SLC7A9: variants seen among roughly 807,000 people sequenced by gnomAD.
SLC7A9 encodes the protein B(0,+)-type amino acid transporter 1.
Under a neutral mutation model 54.1 loss-of-function variants are expected in SLC7A9, and 38 were observed. That is an observed-to-expected ratio of 0.70 (90% CI 0.54 to 0.92). SLC7A9 has a LOEUF of 0.92. SLC7A9 is among the 40% of genes least tolerant of loss of function. SLC7A9 has a pLI of 0.00. For missense variants in SLC7A9, 537 were observed against 636.1 expected, an observed-to-expected ratio of 0.84 and a Z score of 1.68; for synonymous variants, 264 against 258.9, an observed-to-expected ratio of 1.02 and a Z score of -0.19.
At chr19:32,854,533 A>G (rs1448186922) in intron 9 of SLC7A9, among the ~76,000 whole-genome samples, 1 of 152,162 alleles carries the variant, frequency 6.6e-6, no homozygotes, top group Admixed American at 6.6e-5. Flanking sequence ...TGAAACTGTA[A>G]AATTCCTAGG....
intron 6 of SLC7A9, 126 bp from the exon 7 acceptor site, chr19:32,860,776 TC>T: frequency 7.4e-7 from 1 of 1,348,238 alleles, no homozygotes; most frequent in Non-Finnish European, 1.0e-6. Context: ...CTGCAGGAAT[TC>T]CAGGTGAATT....
intron 9 of SLC7A9, among the ~76,000 whole-genome samples, chr19:32,856,957 C>T (rs1968646118): frequency 6.6e-6 from 1 of 152,092 alleles, no homozygotes; most frequent in African/African-American, 2.4e-5. Flanking sequence ...TCAAGACCAG[C>T]TTGGCCAAGA....
chr19:32,860,689 T>C, intron 6 of SLC7A9, 39 bp from the exon 7 acceptor site: 1 of 1,613,468 alleles, frequency 6.2e-7, no homozygotes, highest in South Asian at 1.1e-5. Flanking sequence ...ACACCTTGAC[T>C]TTCTTTTTCG....
chr19:32,842,370 A>G (rs530505067), intron 10 of SLC7A9, 53 bp from the exon 11 acceptor site: 3 of 1,552,302 alleles, frequency 1.9e-6, no homozygotes, highest in East Asian at 2.2e-5. Context: ...CACTGTTCTC[A>G]TGTCACAGAA....
chr19:32,845,308 A>T (rs1968254697), intron 9 of SLC7A9, among the ~76,000 whole-genome samples: 2 of 152,262 alleles, frequency 1.3e-5, no homozygotes, highest in Admixed American at 1.3e-4. Flanking sequence ...CAGCCTAACC[A>T]ACATGGGGAA....
intron 6 of SLC7A9, 27 bp downstream of exon 6, chr19:32,862,091 G>C: frequency 2.7e-6 from 4 of 1,503,928 alleles, no homozygotes; most frequent in Non-Finnish European, 3.7e-6. Context: ...CCCACCCCCA[G>C]ACTCGGGACA....
intron 9 of SLC7A9, among the ~76,000 whole-genome samples, chr19:32,848,612 TTA>T (rs1353212039): frequency 6.6e-6 from 1 of 152,066 alleles, no homozygotes; most frequent in Non-Finnish European, 1.5e-5. Flanking sequence ...ACTGTCAACA[TTA>T]GACAGATCAA....
intron 9 of SLC7A9, among the ~76,000 whole-genome samples, chr19:32,857,855 T>C (rs770752135): frequency 5.3e-5 from 8 of 152,172 alleles, no homozygotes; most frequent in Non-Finnish European, 7.4e-5. Context: ...TAAAGTTTTA[T>C]TGGAACATGA....
At chr19:32,853,459 T>C (rs934993151) in intron 9 of SLC7A9, among the ~76,000 whole-genome samples, 7 of 152,312 alleles carry the variant, frequency 4.6e-5, no homozygotes, top group Middle Eastern at 3.4e-3. Context: ...ACTGTTAAAA[T>C]TGTGTTTGTG....
chr19:32,841,310 A>G (rs564335299), intron 11 of SLC7A9, among the ~76,000 whole-genome samples: 1 of 152,268 alleles, frequency 6.6e-6, no homozygotes, highest in South Asian at 2.1e-4. Context: ...CCTTATTGGT[A>G]TATAGATCCA....
At chr19:32,852,280 C>A (rs1182557828) in intron 9 of SLC7A9, among the ~76,000 whole-genome samples, 1 of 151,930 alleles carries the variant, frequency 6.6e-6, no homozygotes, top group East Asian at 1.9e-4. Flanking sequence ...TGCTTGAGGC[C>A]GGGAGTTTGA....
intron 11 of SLC7A9, among the ~76,000 whole-genome samples, chr19:32,837,936 A>G (rs948309433): frequency 1.3e-5 from 2 of 152,250 alleles, no homozygotes; most frequent in African/African-American, 4.8e-5. Flanking sequence ...TAATAAGCAA[A>G]AAATAGCAAT....
intron 9 of SLC7A9, among the ~76,000 whole-genome samples, chr19:32,851,249 G>T (rs1968457905): frequency 1.3e-5 from 2 of 151,736 alleles, no homozygotes; most frequent in Admixed American, 6.6e-5. Context: ...CCTACAAAAT[G>T]GGAGAAAATT....
chr19:32,859,542 C>A (rs764103342), intron 8 of SLC7A9, among the ~76,000 whole-genome samples: 6 of 152,046 alleles, frequency 3.9e-5, no homozygotes, highest in Non-Finnish European at 7.3e-5. Context: ...TAGGGTGGTG[C>A]AAAAGTAATT....
In SLC7A9 at chr19:32,830,554, G is replaced by GAAAT; in HGVS notation, c.*62_*65dup. On this transcript the variant is annotated 3_prime_UTR_variant, in exon 13 of 13. Coordinates refer to ENST00000023064, the MANE Select transcript of SLC7A9 (RefSeq NM_014270.5). ...ATTTTATTCGTAAGAAAAAAAGGAA[G>GAAAT]AAATAACCACAAATATTGCTTAAGA... The GAAAT allele has an allele frequency of 8.0e-7, 1 of 1,243,600 alleles. No individual in the cohort carries two copies. Among genetic ancestry groups the GAAAT allele is most frequent in the East Asian group, 2.3e-5 (1 of 43,130 alleles). 77.0% of individuals were successfully genotyped at this position (1,243,600 alleles called of 1,614,324 possible).
At chr19:32,851,405 A>C (rs1055515623) in intron 9 of SLC7A9, among the ~76,000 whole-genome samples, 2 of 151,902 alleles carry the variant, frequency 1.3e-5, no homozygotes. Flanking sequence ...ATGCAGCCAA[A>C]AGACACATGA....
intron 11 of SLC7A9, among the ~76,000 whole-genome samples, chr19:32,833,721 C>G (rs1306907701): frequency 6.6e-6 from 1 of 151,828 alleles, no homozygotes. Flanking sequence ...CGCTTGAACC[C>G]AGGAGGCAGA....
In SLC7A9 at chr19:32,836,377, CTATTAA is replaced by C. The variant is rs1318923423; in HGVS notation, c.1225-3060_1225-3055del. On this transcript the variant is annotated intron_variant, in intron 11 of 12. Transcript: ENST00000023064. ...ATTTATGTACTTTTATCTTCTATTT[CTATTAA>C]TATTTCCTCTTGGACCCAAAAGTTT... Among the ~76,000 whole-genome samples the C allele has an allele frequency of 2.0e-5, 3 of 152,278 alleles. No homozygotes were observed. In the East Asian group the frequency reaches 5.8e-4, roughly 29 times the overall value.
intron 11 of SLC7A9, among the ~76,000 whole-genome samples, chr19:32,841,264 GC>G (rs1392221999): frequency 6.6e-6 from 1 of 152,028 alleles, no homozygotes; most frequent in Non-Finnish European, 1.5e-5. Context: ...TTTTTTTAAA[GC>G]CCCTTAACAT....
Sources: allele counts gnomAD v4.1 joint callset (sites outside exome capture counted in the v4.1 genomes callset), GRCh38; gene constraint gnomAD v4.1.1; transcripts MANE v1.5; gene names NCBI Gene and HGNC (gene_info 2026-07-23, HGNC 2026-07-21).